NUP153: variants seen among roughly 807,000 people sequenced by gnomAD.
NUP153 encodes nucleoporin 153, also known as nuclear pore complex protein Nup153.
A neutral mutation model predicts 134.6 loss-of-function variants in NUP153; 27 were observed. The ratio of observed to expected loss-of-function variants is 0.20; its 90% CI spans 0.15 to 0.28. NUP153 has a LOEUF of 0.28. NUP153 is among the 10% of genes least tolerant of loss of function. The pLI is 1.00. For synonymous variants in NUP153, 640 were observed against 623.5 expected (o/e 1.03, Z -0.40); for missense variants, 1,821 against 1,731.3 (o/e 1.05, Z -0.92).
At chr6:17,618,864 C>T (rs1200655636) in intron 20 of NUP153, among the ~76,000 whole-genome samples, 1 of 152,142 alleles carries the variant, frequency 6.6e-6, no homozygotes, top group Non-Finnish European at 1.5e-5. Flanking sequence ...CTGCGCCCAG[C>T]AGAAGTTAAA....
chr6:17,627,132 G>A (rs1437595160), intron 18 of NUP153, among the ~76,000 whole-genome samples: 5 of 152,118 alleles, frequency 3.3e-5, no homozygotes, highest in Non-Finnish European at 5.9e-5. Context: ...TACACTATGG[G>A]CATTAGTATG....
chr6:17,686,975 G>A lies in NUP153; in HGVS notation c.334+1421C>T, dbSNP rs1029044781. Among the ~76,000 whole-genome samples the A allele has an allele frequency of 2.1e-4, 32 of 152,030 alleles. No individual in the cohort carries two copies. The East Asian group carries it at 5.8e-3, about 28-fold the overall frequency. ...AGGTTTAAAAATTTTCCATAATAAAGTTCAGAAGTTATACAAAAAAGCTTA... is the reference window on the plus strand; with the variant it reads ...AGGTTTAAAAATTTTCCATAATAAAATTCAGAAGTTATACAAAAAAGCTTA... On this transcript the variant is annotated intron_variant, in intron 2 of 21. Coordinates refer to ENST00000262077, the MANE Select transcript of NUP153 (RefSeq NM_005124.4).
chr6:17,664,054 A>G (rs963718198), intron 9 of NUP153, among the ~76,000 whole-genome samples: 1 of 152,336 alleles, frequency 6.6e-6, no homozygotes, highest in Non-Finnish European at 1.5e-5. Flanking sequence ...AACAAAATCT[A>G]GTATATCCAT....
rs1768499820 is a variant in NUP153 at position 17,680,256 on chromosome 6, C to T, written c.335-4486G>A. Among the ~76,000 whole-genome samples, 1 of 152,126 alleles carries T rather than the reference C, an allele frequency of 6.6e-6. No individual in the cohort carries two copies. Among genetic ancestry groups the T allele is most frequent in the African/African-American group, 2.4e-5 (1 of 41,424 alleles). ...GTGGTCTGTAATACTGTAATAAAGA[C>T]AGGCAATACAGACCATGGACGTGAA... On this transcript the variant is annotated intron_variant, in intron 2 of 21. Coordinates refer to ENST00000262077, the MANE Select transcript of NUP153 (RefSeq NM_005124.4). This position sits in a 1 kb window ranked among gnomAD's most constrained non-coding sequence, Gnocchi z 4.5.
At chr6:17,646,369 G>A (rs559122304) in intron 13 of NUP153, among the ~76,000 whole-genome samples, 3 of 152,102 alleles carry the variant, frequency 2.0e-5, no homozygotes, top group East Asian at 1.9e-4. Flanking sequence ...CACCACACCC[G>A]GCTAATTTTT....
intron 20 of NUP153, among the ~76,000 whole-genome samples, chr6:17,620,095 C>CAAAAAA (rs58013807): frequency 3.2e-5 from 2 of 62,996 alleles, no homozygotes; most frequent in South Asian, 5.4e-4. Flanking sequence ...AAGACACCAT[C>CAAAAAA]AAAAAAAAAA....
At chr6:17,626,243 C>T in intron 18 of NUP153, 79 bp from the exon 19 acceptor site, 1 of 1,065,770 alleles carries the variant, frequency 9.4e-7, no homozygotes, top group South Asian at 1.6e-5. Flanking sequence ...CCTACAATTG[C>T]TAGAATTTTC....
chr6:17,636,334 CAA>C (rs199891939), intron 16 of NUP153, among the ~76,000 whole-genome samples: 53 of 67,544 alleles, frequency 7.8e-4, no homozygotes, highest in African/African-American at 8.9e-4. Context: ...GACTCTGTCT[CAA>C]AAAAAAAAAA....
chr6:17,706,514 G>C lies in NUP153; in HGVS notation c.-127C>G. The C allele has an allele frequency of 1.5e-6, 1 of 656,706 alleles. No homozygotes were observed. Among genetic ancestry groups the C allele is most frequent in the Non-Finnish European group, 2.6e-6 (1 of 389,482 alleles). 40.7% of individuals were successfully genotyped at this position (656,706 alleles called of 1,614,324 possible). Reference sequence around the variant, plus strand: ...AAAGTCCGCCCGCGCTGTCCACACAGTGGGCACAAGCACCCCAGGAACCGC... The same window carrying C: ...AAAGTCCGCCCGCGCTGTCCACACACTGGGCACAAGCACCCCAGGAACCGC... On this transcript the variant is annotated 5_prime_UTR_variant, in exon 1 of 22. Transcript: ENST00000262077. This position sits in a 1 kb window ranked among gnomAD's most constrained non-coding sequence, Gnocchi z 5.9.
Position 17,661,814 on chromosome 6 carries a change from T to G in NUP153, c.1269-35A>C, listed in dbSNP as rs149150045. 4 of 1,597,560 alleles carry G rather than the reference T, an allele frequency of 2.5e-6. No homozygotes were observed. The Admixed American group carries it at 6.9e-5, about 28-fold the overall frequency. On this transcript the variant is annotated intron_variant, in intron 10 of 21. Coordinates refer to ENST00000262077, the MANE Select transcript of NUP153 (RefSeq NM_005124.4). ...AAAAAGAAAATTAAAACAACTGATA[T>G]ATTATTGTGGTCCATAACTTGTTAA...
rs1770529362 is a variant in NUP153 at position 17,706,745 on chromosome 6, G to T, written c.-358C>A. 1 of 240,590 alleles carries T rather than the reference G, an allele frequency of 4.2e-6. No individual in the cohort carries two copies. Among genetic ancestry groups the T allele is most frequent in the Non-Finnish European group, 8.1e-6 (1 of 122,886 alleles). 14.9% of individuals were successfully genotyped at this position (240,590 alleles called of 1,614,324 possible). ...GCCTAACTCGACCGCCGACTGGTGGGAGTTCTTCCGTCGCCCTAGCCGTAG... is the reference window on the plus strand; with the variant it reads ...GCCTAACTCGACCGCCGACTGGTGGTAGTTCTTCCGTCGCCCTAGCCGTAG... On this transcript the variant is annotated 5_prime_UTR_variant, in exon 1 of 22. Coordinates refer to ENST00000262077, the MANE Select transcript of NUP153 (RefSeq NM_005124.4). The surrounding 1 kb of genome is among the most constrained non-coding windows in gnomAD (Gnocchi z 5.9).
intron 12 of NUP153, among the ~76,000 whole-genome samples, chr6:17,648,167 T>C (rs1176189287): frequency 6.6e-6 from 1 of 152,072 alleles, no homozygotes; most frequent in African/African-American, 2.4e-5. Flanking sequence ...TCAGAAGAAG[T>C]GAAAGCAAGA....
chr6:17,639,997 A>G lies in NUP153; in HGVS notation c.1788T>C (p.Pro596=), dbSNP rs1318230341. ...KKTPPEDCEG[P]FRPAEILKEG... ...CTTTCAGGATTTCTGCAGGTCTAAA[A>G]GGACCCTCACAATCTTCAGGTGGTG... Residue 596 remains proline, a synonymous_variant, in exon 15 of 22, where the codon CCT becomes CCC. Coordinates refer to ENST00000262077, the MANE Select transcript of NUP153 (RefSeq NM_005124.4). 3 of 1,612,020 alleles carry G rather than the reference A, an allele frequency of 1.9e-6. No individual in the cohort carries two copies. The highest frequency in any genetic ancestry group is 2.2e-5 in the East Asian group (1 of 44,778).
chr6:17,624,533 G>A (rs553734914), intron 20 of NUP153, 28 bp downstream of exon 20: 3 of 1,608,594 alleles, frequency 1.9e-6, no homozygotes, highest in Admixed American at 3.3e-5. Flanking sequence ...AACCCATACA[G>A]ATACTAACAG....
intron 13 of NUP153, among the ~76,000 whole-genome samples, chr6:17,647,300 G>A (rs1206283065): frequency 2.0e-5 from 3 of 152,152 alleles, no homozygotes; most frequent in African/African-American, 7.2e-5. Context: ...AGAAAAAAAT[G>A]CCCAGAACTT....
chr6:17,628,619 A>AAAAAAAAAT lies in NUP153; in HGVS notation c.3544+35_3544+36insATTTTTTTT. The AAAAAAAAAT allele has an allele frequency of 8.6e-7, 1 of 1,159,030 alleles. No homozygotes were observed. The allele number at this position is 1,159,030 out of a possible 1,614,324, so 71.8% of individuals were successfully genotyped here. ...GTAAAACGACAACTTGTAAAAAAAA[A>AAAAAAAAAT]AATAATAATAATAATAATAAAAAGT... On this transcript the variant is annotated intron_variant, in intron 18 of 21. Coordinates refer to ENST00000262077, the MANE Select transcript of NUP153 (RefSeq NM_005124.4). This position sits in a 1 kb window ranked among gnomAD's most constrained non-coding sequence, Gnocchi z 5.4.
In NUP153 at chr6:17,669,563, ATAT is replaced by A. The variant is rs753263159; in HGVS notation, c.853-20_853-18del. The A allele has an allele frequency of 6.6e-7, 1 of 1,506,994 alleles. No homozygotes were observed. Among genetic ancestry groups the A allele is most frequent in the Non-Finnish European group, 9.2e-7 (1 of 1,082,736 alleles). 93.4% of individuals were successfully genotyped at this position (1,506,994 alleles called of 1,614,324 possible). A position where few individuals can be genotyped will look rare whatever the true frequency, so the allele number is the denominator to read the frequency against. ...AACTGGTGCCTGTAAAGTAAACCCT[ATAT>A]TATTTGTTGCAACATAAAATCTAAG... On this transcript the variant is annotated intron_variant, in intron 5 of 21. Coordinates refer to ENST00000262077, the MANE Select transcript of NUP153 (RefSeq NM_005124.4).
chr6:17,676,118 G>A (rs1768208190), intron 2 of NUP153, among the ~76,000 whole-genome samples: 1 of 152,108 alleles, frequency 6.6e-6, no homozygotes, highest in South Asian at 2.1e-4. Flanking sequence ...CTATCATTCT[G>A]AGACCATAAA....
chr6:17,666,563 T>C (rs75292619), intron 8 of NUP153, among the ~76,000 whole-genome samples: 1,879 of 152,248 alleles, frequency 0.012, 40 homozygotes, highest in African/African-American at 0.042. Flanking sequence ...CTCCCAAAAA[T>C]GTGACCGAAT....
Sources: gnomAD v4.1 joint callset for allele counts (sites outside exome capture counted in the v4.1 genomes callset) on GRCh38, gnomAD v4.1.1 for gene constraint, Gnocchi (gnomAD v3.1) non-coding constraint, MANE v1.5 for transcripts, NCBI Gene and HGNC (gene_info 2026-07-23, HGNC 2026-07-21) for gene names.